KPNA4: variants seen among roughly 807,000 people sequenced by gnomAD.
The protein encoded by KPNA4 is karyopherin subunit alpha 4, also known as importin subunit alpha-3.
Under a neutral mutation model 71.3 loss-of-function variants are expected in KPNA4, and 13 were observed. The ratio of observed to expected loss-of-function variants is 0.18; its 90% CI spans 0.12 to 0.29. The LOEUF (loss-of-function observed/expected upper bound fraction) is 0.29. Among genes scored for constraint, KPNA4 ranks in the 10% least tolerant of loss-of-function variants. KPNA4 has a pLI of 1.00. For synonymous variants in KPNA4, 189 were observed against 195.2 expected (o/e 0.97, Z 0.26); for missense variants, 334 against 603.2 (o/e 0.55, Z 4.67).
At chr3:160,523,534 T>C (rs1404829540) in intron 10 of KPNA4, among the ~76,000 whole-genome samples, 1 of 152,058 alleles carries the variant, frequency 6.6e-6, no homozygotes, top group Non-Finnish European at 1.5e-5. Flanking sequence ...ATATTTCTAA[T>C]GTAAAAAGAA....
At chr3:160,564,281 T>C (rs928755966) in intron 1 of KPNA4, 5 of 151,146 alleles carry the variant, frequency 3.3e-5, no homozygotes, top group African/African-American at 9.7e-5. Context: ...ACAATGAAGC[T>C]TTTTTTTTCC....
rs1408537107 is a variant in KPNA4, at chr3:160,526,070, A to G, written c.594T>C (p.Leu198=). The change falls in exon 9 of 17, where the codon CTT becomes CTC. Residue 198 remains leucine (L), a synonymous_variant. Transcript: ENST00000334256. Reference sequence around the variant, plus strand: ...AGGAAAGTAAAGGTTTCACAACTCCAAGACTTATGACATAATCTCTACACT... The same window carrying G: ...AGGAAAGTAAAGGTTTCACAACTCCGAGACTTATGACATAATCTCTACACT... ...GPQCRDYVIS[L]GVVKPLLSFI... 4 of 1,590,262 alleles carry G rather than the reference A, an allele frequency of 2.5e-6. No individual in the cohort carries two copies. The highest frequency in any genetic ancestry group is 3.4e-6 in the Non-Finnish European group (4 of 1,170,882).
intron 7 of KPNA4, among the ~76,000 whole-genome samples, chr3:160,529,015 C>G (rs1721516733): frequency 6.6e-6 from 1 of 152,128 alleles, no homozygotes; most frequent in African/African-American, 2.4e-5. Flanking sequence ...GCAGCCTTGA[C>G]CTCCCCTGGC....
intron 1 of KPNA4, among the ~76,000 whole-genome samples, chr3:160,547,012 A>C (rs765346674): frequency 6.6e-6 from 1 of 152,158 alleles, no homozygotes; most frequent in Non-Finnish European, 1.5e-5. Flanking sequence ...CTTTTGACTA[A>C]ATCTGTGTAA....
chr3:160,561,016 A>C (rs568531329), intron 1 of KPNA4, among the ~76,000 whole-genome samples: 2 of 151,780 alleles, frequency 1.3e-5, no homozygotes, highest in Non-Finnish European at 3.0e-5. Context: ...CAAAACAACA[A>C]AACAGCTGAT....
At chr3:160,563,413 G>A (rs750425064) in intron 1 of KPNA4, among the ~76,000 whole-genome samples, 53 of 152,292 alleles carry the variant, frequency 3.5e-4, no homozygotes, top group Middle Eastern at 3.4e-3. Context: ...ATGAGTACAG[G>A]TTTCTTTTTG....
intron 11 of KPNA4, among the ~76,000 whole-genome samples, chr3:160,520,881 T>G (rs1357483483): frequency 6.6e-6 from 1 of 152,182 alleles, no homozygotes; most frequent in Admixed American, 6.5e-5. Flanking sequence ...CTCAGAAAGG[T>G]AGAGGGAGCT....
chr3:160,514,555 G>A (rs1721164027), intron 12 of KPNA4, among the ~76,000 whole-genome samples: 3 of 152,150 alleles, frequency 2.0e-5, no homozygotes, highest in African/African-American at 7.2e-5. Flanking sequence ...ATAAGATTCA[G>A]TGCCCTTCCC....
intron 7 of KPNA4, among the ~76,000 whole-genome samples, chr3:160,529,704 C>T (rs983240442): frequency 2.0e-5 from 3 of 151,866 alleles, no homozygotes; most frequent in Non-Finnish European, 2.9e-5. Flanking sequence ...ACAATACACT[C>T]GGGTTCTTAC....
intron 1 of KPNA4, among the ~76,000 whole-genome samples, chr3:160,558,162 C>T (rs1722177093): frequency 6.6e-6 from 1 of 152,078 alleles, no homozygotes; most frequent in Non-Finnish European, 1.5e-5. Flanking sequence ...CCACTTAAAA[C>T]ATAGGATTAA....
At chr3:160,544,034 T>G (rs1205991680) in intron 1 of KPNA4, among the ~76,000 whole-genome samples, 1 of 152,114 alleles carries the variant, frequency 6.6e-6, no homozygotes, top group Non-Finnish European at 1.5e-5. Context: ...GGCGTGGTAT[T>G]TTTAGTAGAA....
Position 160,525,821 on chromosome 3 carries a change from T to C in KPNA4, c.750A>G (p.Leu250=). The C allele has an allele frequency of 6.4e-7, 1 of 1,570,002 alleles. No homozygotes were observed. The highest frequency in any genetic ancestry group is 8.6e-7 in the Non-Finnish European group (1 of 1,158,148). The part of the protein sequence containing the change: ...IQEILPALCV[L]IHHTDVNILV... ...TCACATTTACATCTGTGTGATGAAT[T>C]AAAACACAAAGGGCTGGAAGAATCT... Residue 250 remains leucine, a synonymous_variant, in exon 10 of 17, where the codon TTA becomes TTG. Transcript: ENST00000334256.
At chr3:160,523,844 C>T (rs1560048458) in intron 10 of KPNA4, among the ~76,000 whole-genome samples, 1 of 151,480 alleles carries the variant, frequency 6.6e-6, no homozygotes, top group Non-Finnish European at 1.5e-5. Context: ...GTGCGAGACT[C>T]TGTCTCAAAA....
At chr3:160,531,605 T>A in intron 5 of KPNA4, 48 bp from the exon 6 acceptor site, 1 of 891,584 alleles carries the variant, frequency 1.1e-6, no homozygotes, top group Non-Finnish European at 1.7e-6. Context: ...CATACAATAT[T>A]ATGATTAAAT....
chr3:160,558,458 T>G (rs1722181302), intron 1 of KPNA4, among the ~76,000 whole-genome samples: 1 of 152,222 alleles, frequency 6.6e-6, no homozygotes, highest in South Asian at 2.1e-4. Flanking sequence ...TAGGCATTGT[T>G]AAACATTTCA....
rs1374983323 is a variant in KPNA4, at chr3:160,514,079, T to G, written c.1135A>C (p.Lys379Gln). ...TACATATAACATGATTTTCTTACCTTATCCAAAAGGTGTATTATCATTGGT... is the reference window on the plus strand; with the variant it reads ...TACATATAACATGATTTTCTTACCTGATCCAAAAGGTGTATTATCATTGGT... ...LVPMIIHLLD[K>Q]GDFGTQKEAA... The change falls in exon 13 of 17, where the codon AAG becomes CAG. Residue 379 changes from lysine to glutamine, a missense_variant and splice_region_variant. Lys to Gln is a moderately conservative substitution (Grantham distance 53). Transcript: ENST00000334256. 5 of 1,540,286 alleles carry G rather than the reference T, an allele frequency of 3.2e-6. No homozygotes were observed. The highest frequency in any genetic ancestry group is 4.4e-6 in the Non-Finnish European group (5 of 1,146,268).
At chr3:160,549,516 T>C (rs1487872490) in intron 1 of KPNA4, among the ~76,000 whole-genome samples, 1 of 152,218 alleles carries the variant, frequency 6.6e-6, no homozygotes, top group East Asian at 1.9e-4. Context: ...CCAGCACCGT[T>C]TGTTAAAGGA....
chr3:160,563,672 TTTCTCA>T (rs1168556748), intron 1 of KPNA4, among the ~76,000 whole-genome samples: 1 of 152,236 alleles, frequency 6.6e-6, no homozygotes, highest in African/African-American at 2.4e-5. Flanking sequence ...TTTGTGATTT[TTTCTCA>T]TTCTAAGTAT....
At chr3:160,516,395 G>T (rs1283607555) in intron 11 of KPNA4, among the ~76,000 whole-genome samples, 2 of 150,514 alleles carry the variant, frequency 1.3e-5, no homozygotes, top group East Asian at 1.9e-4. Flanking sequence ...TTATATTATT[G>T]TAAGAGAGGA....
Sources: allele counts gnomAD v4.1 joint callset (sites outside exome capture counted in the v4.1 genomes callset), GRCh38; gene constraint gnomAD v4.1.1; transcripts MANE v1.5; gene names NCBI Gene and HGNC (gene_info 2026-07-23, HGNC 2026-07-21).